Variants in COX16 observed in about 807,000 individuals in gnomAD.
COX16 encodes the protein cytochrome c oxidase assembly factor COX16, also known as cytochrome c oxidase assembly protein COX16 homolog, mitochondrial.
Under a neutral mutation model 15.4 loss-of-function variants are expected in COX16, and 12 were observed. The observed-to-expected ratio is 0.78, with a 90% CI of 0.50 to 1.26. The LOEUF (loss-of-function observed/expected upper bound fraction) is 1.26, where lower values mean the gene tolerates loss of function less well. Among genes scored for constraint, COX16 ranks in the 50% most tolerant of loss-of-function variants. The pLI is 0.00. For missense variants in COX16, 124 were observed against 127.6 expected (o/e 0.97, Z 0.14); for synonymous variants, 46 against 41.1 (o/e 1.12, Z -0.46).
chr14:70,338,260 G>A (rs1474881266), intron 2 of COX16, among the ~76,000 whole-genome samples: 4 of 152,074 alleles, frequency 2.6e-5, no homozygotes, highest in African/African-American at 4.8e-5. Flanking sequence ...CTGCGGGCAC[G>A]CACCACCACG....
chr14:70,358,061 A>G (rs1235757489), intron 1 of COX16, among the ~76,000 whole-genome samples: 1 of 152,216 alleles, frequency 6.6e-6, no homozygotes, highest in African/African-American at 2.4e-5. Context: ...TGAAGTATTG[A>G]TATATGTTAC....
chr14:70,344,961 A>AACAGCATGTTGCTCCTCACC lies in COX16; in HGVS notation c.70-2252_70-2233dup, dbSNP rs372683445. ...CCACCTGCACCCACGCGCTCATCAA[A>AACAGCATGTTGCTCCTCACC]ACAGCATGTTGCTCCTCACCACCTC... is the stretch of plus-strand genomic sequence containing the variant. On this transcript the variant is annotated intron_variant, in intron 1 of 3. Transcript: ENST00000389912. 8.1e-3 allele frequency among the ~76,000 whole-genome samples: 1,225 copies of AACAGCATGTTGCTCCTCACC among 152,150 alleles called. 11 individuals are homozygous for AACAGCATGTTGCTCCTCACC. The highest frequency in any genetic ancestry group is 0.028 in the African/African-American group (1,163 of 41,470).
intron 1 of COX16, among the ~76,000 whole-genome samples, chr14:70,357,158 CAAAAAAAA>C (rs4048531): frequency 3.0e-4 from 24 of 78,704 alleles, no homozygotes; most frequent in Middle Eastern, 0.011. Flanking sequence ...AAGCGTTTGT[CAAAAAAAA>C]AAAAAAAAAA....
At position 70,332,001 on chromosome 14, in the gene COX16, G is replaced by A. The variant is rs188467668; in HGVS notation, c.142-2765C>T. Among the ~76,000 whole-genome samples, 183 of 152,330 alleles carry A rather than the reference G, an allele frequency of 1.2e-3. 1 individual carries two copies. The highest frequency in any genetic ancestry group is 4.0e-3 in the African/African-American group (165 of 41,570). ...TCGTTTTGAATGCATTCACACCTAG[G>A]TGGATGATCCACTGAGCTTGCTTCT... is the stretch of plus-strand genomic sequence containing the variant. On this transcript the variant is annotated intron_variant, in intron 2 of 3. Coordinates refer to ENST00000389912, the MANE Select transcript of COX16 (RefSeq NM_016468.7).
In COX16 at chr14:70,342,667, C is replaced by A. The variant is rs754259981; in HGVS notation, c.132G>T (p.Val44=). The A allele has an allele frequency of 6.8e-6, 11 of 1,612,410 alleles. No individual in the cohort carries two copies. In the South Asian group the frequency reaches 1.2e-4, roughly 18 times the overall value. Reference sequence around the variant, plus strand: ...TAATTATATTTCTTACTTTACTCTTCACAGCATCATATCGGATTTGAGAAA... The same window carrying A: ...TAATTATATTTCTTACTTTACTCTTAACAGCATCATATCGGATTTGAGAAA... ...REFSQIRYDA[V]KSKMDPELEK... The change falls in exon 2 of 4, where the codon GTG becomes GTT. Residue 44 remains valine, a synonymous_variant. Transcript: ENST00000389912.
At chr14:70,338,238 G>A (rs544341236) in intron 2 of COX16, among the ~76,000 whole-genome samples, 86 of 152,194 alleles carry the variant, frequency 5.7e-4, no homozygotes, top group African/African-American at 1.9e-3. Flanking sequence ...ATCAGCCTCC[G>A]AGTAGCTGGG....
intron 1 of COX16, among the ~76,000 whole-genome samples, chr14:70,353,257 C>A (rs373810781): frequency 5.3e-3 from 670 of 125,916 alleles, no homozygotes; most frequent in Middle Eastern, 0.017. Flanking sequence ...GAGACTCTGT[C>A]AAAAAAAAAA....
At chr14:70,340,556 A>T (rs945422496) in intron 2 of COX16, among the ~76,000 whole-genome samples, 2 of 152,148 alleles carry the variant, frequency 1.3e-5, no homozygotes, top group African/African-American at 4.8e-5. Flanking sequence ...GAACTCATTA[A>T]TTTCTCTTTA....
At chr14:70,342,576 T>A in intron 2 of COX16, 82 bp downstream of exon 2, 1 of 1,358,206 alleles carries the variant, frequency 7.4e-7, no homozygotes, top group South Asian at 1.6e-5. Flanking sequence ...CTCAGACTAC[T>A]TAGTATACTG....
intron 2 of COX16, among the ~76,000 whole-genome samples, chr14:70,340,292 A>G (rs1886587264): frequency 6.6e-6 from 1 of 152,144 alleles, no homozygotes; most frequent in African/African-American, 2.4e-5. Context: ...CCCTTCTGCC[A>G]TGACTAAGTT....
intron 2 of COX16, among the ~76,000 whole-genome samples, chr14:70,331,077 G>A (rs1012845807): frequency 6.6e-6 from 1 of 151,988 alleles, no homozygotes; most frequent in African/African-American, 2.4e-5. Flanking sequence ...GCACGATCTC[G>A]GCTCACTGCA....
rs374859032 is a variant in COX16, at chr14:70,330,376, A to G, written c.142-1140T>C. On this transcript the variant is annotated intron_variant, in intron 2 of 3. Coordinates refer to ENST00000389912, the MANE Select transcript of COX16 (RefSeq NM_016468.7). ...TTACAATCTATAAAGAATTAAATCT[A>G]TAATGAATAACCTCACACAAAGAAA... Among the ~76,000 whole-genome samples the G allele has an allele frequency of 7.4e-4, 113 of 152,342 alleles. 1 individual carries two copies. The highest frequency in any genetic ancestry group is 2.6e-3 in the African/African-American group (109 of 41,570).
Position 70,357,348 on chromosome 14 carries a change from G to T in COX16, c.69+2171C>A, listed in dbSNP as rs114521015. On this transcript the variant is annotated intron_variant, in intron 1 of 3. Coordinates refer to ENST00000389912, the MANE Select transcript of COX16 (RefSeq NM_016468.7). ...TGTACATGCCCAGAGCAATGTATAT[G>T]CCCAAGAAAGACCTGAGAAGGCCCT... Among the ~76,000 whole-genome samples, 785 of 152,122 alleles carry T rather than the reference G, an allele frequency of 5.2e-3. 7 individuals carry two copies. Among genetic ancestry groups the T allele is most frequent in the African/African-American group, 0.018 (763 of 41,484 alleles).
intron 2 of COX16, among the ~76,000 whole-genome samples, chr14:70,338,215 T>A (rs1212765242): frequency 6.6e-6 from 1 of 152,136 alleles, no homozygotes; most frequent in African/African-American, 2.4e-5. Context: ...CTGAGCTAAA[T>A]CAATCCTCCC....
intron 1 of COX16, among the ~76,000 whole-genome samples, chr14:70,350,310 T>G (rs574703251): frequency 6.6e-6 from 1 of 152,328 alleles, no homozygotes; most frequent in Non-Finnish European, 1.5e-5. Flanking sequence ...ACTAGGACAC[T>G]TCCTGTTTAC....
chr14:70,337,461 A>C (rs934769391), intron 2 of COX16, among the ~76,000 whole-genome samples: 11 of 152,272 alleles, frequency 7.2e-5, no homozygotes, highest in African/African-American at 2.6e-4. Context: ...AGCAGCCCTC[A>C]ATCTATCTGC....
intron 2 of COX16, among the ~76,000 whole-genome samples, chr14:70,338,266 C>A (rs1001608521): frequency 7.9e-5 from 12 of 152,176 alleles, no homozygotes; most frequent in African/African-American, 2.9e-4. Context: ...GCACGCACCA[C>A]CACGCCTGGC....
At chr14:70,356,361 A>G (rs1887125572) in intron 1 of COX16, among the ~76,000 whole-genome samples, 1 of 152,046 alleles carries the variant, frequency 6.6e-6, no homozygotes. Context: ...GCCACCTCTG[A>G]TCTGACAGGA....
At chr14:70,330,025 G>T (rs1886231311) in intron 2 of COX16, among the ~76,000 whole-genome samples, 1 of 152,018 alleles carries the variant, frequency 6.6e-6, no homozygotes, top group African/African-American at 2.4e-5. Flanking sequence ...AAAGGGGAGG[G>T]AGAGCAATAA....
Sources: gnomAD v4.1 joint callset for allele counts (sites outside exome capture counted in the v4.1 genomes callset) on GRCh38, gnomAD v4.1.1 for gene constraint, MANE v1.5 for transcripts, NCBI Gene and HGNC (gene_info 2026-07-23, HGNC 2026-07-21) for gene names.